Variants in CCAR2 observed in about 807,000 individuals in gnomAD.
The protein encoded by CCAR2 is cell cycle and apoptosis regulator 2.
Under a neutral mutation model 108.1 loss-of-function variants are expected in CCAR2, and 21 were observed. The ratio of observed to expected loss-of-function variants is 0.19; its 90% CI spans 0.14 to 0.28. CCAR2 has a LOEUF of 0.28. CCAR2 is among the 10% of genes least tolerant of loss of function. The pLI is 1.00. For synonymous variants in CCAR2, 577 were observed against 472.8 expected, an observed-to-expected ratio of 1.22 and a Z score of -2.86; for missense variants, 1,126 against 1,177.0, an observed-to-expected ratio of 0.96 and a Z score of 0.63.
At chr8:22,613,910 C>T in intron 8 of CCAR2, 182 bp from the exon 9 acceptor site, 1 of 592,484 alleles carries the variant, frequency 1.7e-6, no homozygotes, top group Non-Finnish European at 3.0e-6. Context: ...CCCAGTTTGA[C>T]TTTTGCCATC....
At position 22,607,963 on chromosome 8, in the gene CCAR2, C is replaced by G. The variant is rs201390447; in HGVS notation, c.488-6C>G. On this transcript the variant is annotated splice_region_variant and splice_polypyrimidine_tract_variant and intron_variant, in intron 6 of 20. Transcript: ENST00000308511. ...TTTTGAGTCACCAGTCATTTCCTTT[C>G]TGCAGCTCTGAGTCTCTTCCAAACA... is the stretch of plus-strand genomic sequence containing the variant. The G allele has an allele frequency of 1.9e-6, 3 of 1,613,284 alleles. No homozygotes were observed. In the South Asian group the frequency reaches 3.3e-5, roughly 18 times the overall value.
At chr8:22,615,103 C>A (rs1325087457) in intron 11 of CCAR2, 102 bp downstream of exon 11, 3 of 1,373,770 alleles carry the variant, frequency 2.2e-6, no homozygotes, top group East Asian at 5.0e-5. Context: ...TAGCTCTCTG[C>A]CCCCTAGTCC....
chr8:22,606,467 C>A, intron 3 of CCAR2, 140 bp from the exon 4 acceptor site: 1 of 701,670 alleles, frequency 1.4e-6, no homozygotes, highest in African/African-American at 1.8e-5. Flanking sequence ...GTATGCCCAC[C>A]ACACCTGTAC....
chr8:22,607,883 C>T (rs1586947273), intron 6 of CCAR2, 86 bp from the exon 7 acceptor site: 3 of 1,082,204 alleles, frequency 2.8e-6, no homozygotes, highest in Admixed American at 1.8e-5. Context: ...GCACTGTCCT[C>T]TCAAAGTGCT....
chr8:22,609,052 CTTTTTTTTTT>C (rs71546822), intron 7 of CCAR2, among the ~76,000 whole-genome samples: 1 of 133,154 alleles, frequency 7.5e-6, no homozygotes, highest in Admixed American at 7.8e-5. Flanking sequence ...CTTTTTTTTT[CTTTTTTTTTT>C]TTTTTTGAGA....
At chr8:22,606,724 G>T in intron 4 of CCAR2, 26 bp downstream of exon 4, 7 of 1,581,930 alleles carry the variant, frequency 4.4e-6, no homozygotes, top group Non-Finnish European at 6.1e-6. Context: ...GTCCCCTAAC[G>T]GAAATGCTTA....
In CCAR2 at chr8:22,614,476, G is replaced by T. The variant is rs752938636; in HGVS notation, c.1014G>T (p.Thr338=). ...ATGACATGGCTGAGCCAAGGGAGAC[G>T]CCAGAGCATCCTCTGAAGCAGATTA... The part of the protein sequence containing the change: ...FVDDMAEPRE[T]PEHPLKQIKF... Residue 338 remains threonine, a synonymous_variant, in exon 10 of 21, where the codon ACG becomes ACT. Transcript: ENST00000308511. 1 of 1,614,118 alleles carries T rather than the reference G, an allele frequency of 6.2e-7. No homozygotes were observed. The highest frequency in any genetic ancestry group is 8.5e-7 in the Non-Finnish European group (1 of 1,180,020).
Position 22,617,308 on chromosome 8 carries a change from C to T in CCAR2, c.1846-112C>T, listed in dbSNP as rs555941927. ...ATGAAATGAGACGGTATCTGTAGAG[C>T]CCTCCATACAGTGCCTGGGGCATAG... On this transcript the variant is annotated intron_variant, in intron 14 of 20. Transcript: ENST00000308511. 2.5e-6 allele frequency: 3 copies of T among 1,220,396 alleles called. No individual in the cohort carries two copies. The South Asian group carries it at 5.5e-5, about 22-fold the overall frequency. 75.6% of individuals were successfully genotyped at this position (1,220,396 alleles called of 1,614,324 possible).
intron 14 of CCAR2, chr8:22,616,449 C>T (rs1002963780): frequency 1.7e-6 from 1 of 593,162 alleles, no homozygotes; most frequent in Admixed American, 3.0e-5. Context: ...GGCTGAGCAG[C>T]CTGACAGCAC....
chr8:22,614,475 C>T lies in CCAR2; in HGVS notation c.1013C>T (p.Thr338Met), dbSNP rs199827847. The part of the protein sequence containing the change: ...FVDDMAEPRE[T>M]PEHPLKQIKF... Reference sequence around the variant, plus strand: ...GATGACATGGCTGAGCCAAGGGAGACGCCAGAGCATCCTCTGAAGCAGATT... The same window carrying T: ...GATGACATGGCTGAGCCAAGGGAGATGCCAGAGCATCCTCTGAAGCAGATT... The change falls in exon 10 of 21, where the codon ACG (threonine) becomes ATG (methionine). Residue 338 changes from threonine (T) to methionine (M), a missense_variant. Transcript: ENST00000308511. 3.0e-5 allele frequency: 48 copies of T among 1,614,112 alleles called. No individual in the cohort carries two copies. The Middle Eastern group carries it at 4.9e-4, about 17-fold the overall frequency.
At chr8:22,604,900 G>C (rs1248168462) in intron 1 of CCAR2, 58 bp downstream of exon 1, 1 of 404,088 alleles carries the variant, frequency 2.5e-6, no homozygotes, top group Non-Finnish European at 4.9e-6. Context: ...CCCCTCCGCT[G>C]GCCGAGGGGC....
intron 8 of CCAR2, among the ~76,000 whole-genome samples, chr8:22,613,644 C>T (rs1298928787): frequency 6.6e-6 from 1 of 152,202 alleles, no homozygotes; most frequent in Non-Finnish European, 1.5e-5. Context: ...GTTGCCAACA[C>T]TGTTAGCCGA....
Position 22,615,766 on chromosome 8 carries a change from A to T in CCAR2, c.1462A>T (p.Thr488Ser), listed in dbSNP as rs200218662. 5.6e-6 allele frequency: 9 copies of T among 1,613,908 alleles called. No individual in the cohort carries two copies. The East Asian group carries it at 1.6e-4, about 28-fold the overall frequency. The change falls in exon 13 of 21, where the codon ACC becomes TCC. Residue 488 changes from threonine to serine, a missense_variant. Physicochemically the swap from Thr to Ser is moderately conservative, Grantham distance 58 (BLOSUM62 1). Coordinates refer to ENST00000308511, the MANE Select transcript of CCAR2 (RefSeq NM_001393997.1). ...SRRNAETPEA[T>S]TQQETDTDLP... is the part of the protein sequence containing the mutation. The stretch of plus-strand genomic sequence containing the variant: ...ACGGAACGCAGAAACTCCAGAGGCC[A>T]CCACACAGCAGGAAACGGACACTGA...
chr8:22,620,820 C>A (rs1801766341), downstream of CCAR2: 1 of 152,328 alleles, frequency 6.6e-6, no homozygotes, highest in Non-Finnish European at 1.5e-5. Flanking sequence ...TGGGACAGTT[C>A]CACTGACAGC....
At chr8:22,607,079 T>A in intron 5 of CCAR2, 55 bp downstream of exon 5, 1 of 1,609,828 alleles carries the variant, frequency 6.2e-7, no homozygotes, top group Non-Finnish European at 8.5e-7. Flanking sequence ...GAAGCCCCTG[T>A]GCCCTGACAG....
chr8:22,609,145 G>A (rs1370080284), intron 7 of CCAR2, among the ~76,000 whole-genome samples: 1 of 148,454 alleles, frequency 6.7e-6, no homozygotes, highest in Non-Finnish European at 1.5e-5. Context: ...TGATCTCTCT[G>A]GCACAAGCCA....
At chr8:22,618,074 A>G in intron 16 of CCAR2, 1 of 590,522 alleles carries the variant, frequency 1.7e-6, no homozygotes, top group Non-Finnish European at 3.0e-6. Flanking sequence ...ACATCAGGCA[A>G]GGTGCTTGAT....
Position 22,614,818 on chromosome 8 carries a change from T to TC in CCAR2, c.1042-17dup. ...AGGTAATGTAGTTTTTTGTTTTGTA[T>TC]CCCTGATCTCTTCTTGCAGTTTTTG... On this transcript the variant is annotated intron_variant, in intron 10 of 20. Coordinates refer to ENST00000308511, the MANE Select transcript of CCAR2 (RefSeq NM_001393997.1). 1 of 1,613,794 alleles carries TC rather than the reference T, an allele frequency of 6.2e-7. No individual in the cohort carries two copies.
Position 22,615,823 on chromosome 8 carries a change from C to A in CCAR2, c.1519C>A (p.Pro507Thr). 1.2e-6 allele frequency: 2 copies of A among 1,614,036 alleles called. No individual in the cohort carries two copies. The highest frequency in any genetic ancestry group is 1.7e-6 in the Non-Finnish European group (2 of 1,180,026). ...AGAGGCCCCTCCACCCCCCCTAGAA[C>A]CTGCTGTCATCGCACGCCCTGGCTG... is the stretch of plus-strand genomic sequence containing the variant. ...LPEAPPPPLE[P>T]AVIARPGCVN... The change falls in exon 13 of 21, where the codon CCT (proline) becomes ACT (threonine). Residue 507 changes from proline (P) to threonine (T), a missense_variant. Physicochemically the swap from Pro to Thr is conservative, Grantham distance 38. Transcript: ENST00000308511.
Sources: allele counts gnomAD v4.1 joint callset (sites outside exome capture counted in the v4.1 genomes callset), GRCh38; gene constraint gnomAD v4.1.1; transcripts MANE v1.5; gene names NCBI Gene and HGNC (gene_info 2026-07-23, HGNC 2026-07-21).